Variants in IQCJ observed in about 807,000 individuals in gnomAD.
IQCJ encodes IQ domain-containing protein J.
Under a neutral mutation model 11.0 loss-of-function variants are expected in IQCJ, and 9 were observed. The ratio of observed to expected loss-of-function variants is 0.82; its 90% CI spans 0.49 to 1.43. The LOEUF (loss-of-function observed/expected upper bound fraction) is 1.43. Among genes scored for constraint, IQCJ ranks in the 40% most tolerant of loss-of-function variants. IQCJ has a pLI of 0.00. For missense variants in IQCJ, 146 were observed against 133.2 expected, an observed-to-expected ratio of 1.10 and a Z score of -0.47; for synonymous variants, 55 against 51.3, an observed-to-expected ratio of 1.07 and a Z score of -0.31.
intron 1 of IQCJ, among the ~76,000 whole-genome samples, chr3:159,087,743 T>A (rs1716901172): frequency 6.7e-6 from 1 of 150,250 alleles, no homozygotes; most frequent in Non-Finnish European, 1.5e-5. Context: ...TAGTTTGTAT[T>A]TCTGTGGGAT....
At chr3:159,202,625 T>A (rs1724418230) in intron 1 of IQCJ, among the ~76,000 whole-genome samples, 3 of 152,200 alleles carry the variant, frequency 2.0e-5, no homozygotes, top group African/African-American at 7.2e-5. Context: ...GCCTGCGGAA[T>A]GTTCTATAGT....
At chr3:159,135,517 TC>T (rs1720237766) in intron 1 of IQCJ, among the ~76,000 whole-genome samples, 1 of 152,174 alleles carries the variant, frequency 6.6e-6, no homozygotes, top group Non-Finnish European at 1.5e-5. Context: ...CAGGCAACTC[TC>T]TCAAAATACA....
At chr3:159,258,616 T>C (rs996754019) in intron 3 of IQCJ, among the ~76,000 whole-genome samples, 4 of 152,248 alleles carry the variant, frequency 2.6e-5, no homozygotes, top group African/African-American at 9.6e-5. Context: ...AGATTCAATG[T>C]ATCCTCTCTG....
chr3:159,160,918 T>A (rs1577050545), intron 1 of IQCJ, among the ~76,000 whole-genome samples: 1 of 152,290 alleles, frequency 6.6e-6, no homozygotes, highest in East Asian at 1.9e-4. Flanking sequence ...CACTTTCTTA[T>A]TCCAGTCTAT....
intron 1 of IQCJ, among the ~76,000 whole-genome samples, chr3:159,223,601 A>C (rs567830459): frequency 3.9e-5 from 6 of 152,322 alleles, no homozygotes; most frequent in South Asian, 4.1e-4. Context: ...CCTGAAATTG[A>C]ATTAGAAATA....
intron 2 of IQCJ, among the ~76,000 whole-genome samples, chr3:159,250,379 T>C (rs772672070): frequency 2.0e-5 from 3 of 152,166 alleles, no homozygotes; most frequent in Non-Finnish European, 4.4e-5. Flanking sequence ...AATTAATAAG[T>C]AACAAGAGTC....
At chr3:159,160,425 C>T (rs1486812794) in intron 1 of IQCJ, among the ~76,000 whole-genome samples, 1 of 152,068 alleles carries the variant, frequency 6.6e-6, no homozygotes, top group African/African-American at 2.4e-5. Context: ...GCCTCAACCT[C>T]CTGAGTAGCT....
intron 1 of IQCJ, among the ~76,000 whole-genome samples, chr3:159,237,967 CGACTGAGAGTTTAATGAAGT>C (rs1560037739): frequency 3.3e-5 from 5 of 151,994 alleles, no homozygotes; most frequent in African/African-American, 9.7e-5. Flanking sequence ...TGTAAAAGGA[CGACTGAGAGTTTAATGAAGT>C]GACTATTTAC....
intron 1 of IQCJ, among the ~76,000 whole-genome samples, chr3:159,151,415 G>T (rs1368673126): frequency 6.6e-6 from 1 of 152,156 alleles, no homozygotes; most frequent in East Asian, 1.9e-4. Flanking sequence ...CAGCACTGCT[G>T]TTCTCTCCAA....
intron 1 of IQCJ, among the ~76,000 whole-genome samples, chr3:159,143,961 A>G (rs374490183): frequency 7.2e-5 from 11 of 152,278 alleles, no homozygotes; most frequent in East Asian, 5.8e-4. Context: ...GAGGGGTTCA[A>G]TGTTGTATCT....
chr3:159,226,929 T>C (rs189513903), intron 1 of IQCJ, among the ~76,000 whole-genome samples: 1 of 152,236 alleles, frequency 6.6e-6, no homozygotes, highest in Non-Finnish European at 1.5e-5. Flanking sequence ...TCCATGTGCA[T>C]GTATGTGTAC....
intron 1 of IQCJ, among the ~76,000 whole-genome samples, chr3:159,243,786 C>T (rs925024864): frequency 6.6e-6 from 1 of 152,178 alleles, no homozygotes. Context: ...AACCCAGGTA[C>T]TACAAGACCA....
At chr3:159,123,423 C>T (rs1719494458) in intron 1 of IQCJ, among the ~76,000 whole-genome samples, 2 of 152,268 alleles carry the variant, frequency 1.3e-5, no homozygotes, top group South Asian at 4.1e-4. Context: ...GTTTAGGATC[C>T]TGGACACCCC....
At chr3:159,241,918 A>C (rs73166218) in intron 1 of IQCJ, among the ~76,000 whole-genome samples, 47,476 of 152,152 alleles carry the variant, frequency 0.31, 8,977 homozygotes, top group Non-Finnish European at 0.43. Context: ...ATATACCACA[A>C]GTGATGGGTG....
At chr3:159,136,661 G>A (rs1720307667) in intron 1 of IQCJ, among the ~76,000 whole-genome samples, 3 of 152,148 alleles carry the variant, frequency 2.0e-5, no homozygotes, top group South Asian at 4.1e-4. Flanking sequence ...TGGAAGGAGC[G>A]AGGGTCTTTC....
At chr3:159,253,637 T>C (rs115885740) in intron 3 of IQCJ, among the ~76,000 whole-genome samples, 2,874 of 137,764 alleles carry the variant, frequency 0.021, 90 homozygotes, top group African/African-American at 0.076. Context: ...ACACACACAC[T>C]CACACACTCA....
At chr3:159,161,711 G>A (rs1285722642) in intron 1 of IQCJ, among the ~76,000 whole-genome samples, 1 of 152,136 alleles carries the variant, frequency 6.6e-6, no homozygotes, top group East Asian at 1.9e-4. Context: ...TTTTGTATAA[G>A]GTGTAAGGAA....
At chr3:159,158,850 T>C (rs1483624382) in intron 1 of IQCJ, among the ~76,000 whole-genome samples, 1 of 152,186 alleles carries the variant, frequency 6.6e-6, no homozygotes, top group African/African-American at 2.4e-5. Context: ...ACTCCTAGTG[T>C]CCTAAAATTT....
At position 159,143,717 on chromosome 3, in the gene IQCJ, A is replaced by G. The variant is rs559766282; in HGVS notation, c.9+74276A>G. Among the ~76,000 whole-genome samples, 3 of 152,358 alleles carry G rather than the reference A, an allele frequency of 2.0e-5. 1 individual carries two copies. Among genetic ancestry groups the G allele is most frequent in the African/African-American group, 7.2e-5 (3 of 41,592 alleles). On this transcript the variant is annotated intron_variant, in intron 1 of 3. Coordinates refer to ENST00000397832, the MANE Select transcript of IQCJ (RefSeq NM_001042706.3). ...ATGGCAGTGTTTACTTCAAAATTAT[A>G]GCCAGTCAACTCTTTCTGTGCTTCA...
Sources: allele counts gnomAD v4.1 joint callset (sites outside exome capture counted in the v4.1 genomes callset), GRCh38; gene constraint gnomAD v4.1.1; transcripts MANE v1.5; gene names NCBI Gene and HGNC (gene_info 2026-07-23, HGNC 2026-07-21).